Variants in CNTN4 observed in about 807,000 individuals in gnomAD.
The protein encoded by CNTN4 is contactin 4.
Under a neutral mutation model 122.5 loss-of-function variants are expected in CNTN4, and 77 were observed. The ratio of observed to expected loss-of-function variants is 0.63; its 90% CI spans 0.52 to 0.76. The LOEUF is 0.76. CNTN4 is among the 30% of genes least tolerant of loss of function. The probability of loss-of-function intolerance (pLI) is 0.00; values close to 1 mark genes in which losing one functional copy is unlikely to be tolerated. For missense variants in CNTN4, 1,256 were observed against 1,259.1 expected (o/e 1.00, Z 0.04); for synonymous variants, 512 against 447.0 (o/e 1.15, Z -1.83).
At chr3:2,327,161 G>GTT (rs1368674002) in intron 2 of CNTN4, among the ~76,000 whole-genome samples, 3 of 148,860 alleles carry the variant, frequency 2.0e-5, no homozygotes, top group African/African-American at 7.6e-5. Context: ...GTTTGTGTGT[G>GTT]TGTGTGTCTA....
chr3:2,738,867 AG>A (rs768143019), intron 5 of CNTN4, among the ~76,000 whole-genome samples: 70 of 152,240 alleles, frequency 4.6e-4, no homozygotes, highest in African/African-American at 1.1e-3. Context: ...TAAATATGAC[AG>A]AAAAAATACA....
At chr3:2,695,964 A>G (rs2086010084) in intron 4 of CNTN4, among the ~76,000 whole-genome samples, 2 of 152,320 alleles carry the variant, frequency 1.3e-5, no homozygotes, top group African/African-American at 2.4e-5. Context: ...TATGTGAAGT[A>G]TTAGCTCGAG....
At position 2,605,768 on chromosome 3, in the gene CNTN4, C is replaced by T. The variant is rs375182086; in HGVS notation, c.55+34210C>T. 1.0e-3 allele frequency among the ~76,000 whole-genome samples: 157 copies of T among 152,230 alleles called. 2 individuals are homozygous for T. Among genetic ancestry groups the T allele is most frequent in the South Asian group, 4.6e-3 (22 of 4,810 alleles). ...CATTCATTTATACCACAAAACCAAC[C>T]GATGTCCTGTCAGGTGCTAGTGCTG... is the stretch of plus-strand genomic sequence containing the variant. On this transcript the variant is annotated intron_variant, in intron 4 of 24. Transcript: ENST00000418658.
At chr3:2,254,587 C>G (rs777706671) in intron 2 of CNTN4, among the ~76,000 whole-genome samples, 3 of 152,176 alleles carry the variant, frequency 2.0e-5, no homozygotes, top group Non-Finnish European at 4.4e-5. Context: ...TCCAATCTAA[C>G]TGGCGTGAGA....
At chr3:2,102,741 C>T (rs1187316570) in intron 2 of CNTN4, among the ~76,000 whole-genome samples, 2 of 152,092 alleles carry the variant, frequency 1.3e-5, no homozygotes, top group African/African-American at 4.8e-5. Context: ...GGCCAGAACC[C>T]AGTTCTTTGT....
At chr3:2,692,502 T>G (rs1576471914) in intron 4 of CNTN4, among the ~76,000 whole-genome samples, 1 of 152,194 alleles carries the variant, frequency 6.6e-6, no homozygotes, top group East Asian at 1.9e-4. Flanking sequence ...TTTTTCCTTT[T>G]GCATCTTTTT....
intron 6 of CNTN4, among the ~76,000 whole-genome samples, chr3:2,762,851 T>C (rs539467674): frequency 6.6e-6 from 1 of 152,150 alleles, no homozygotes; most frequent in Admixed American, 6.5e-5. Flanking sequence ...ATTTTTTTAC[T>C]TTTTAATATG....
intron 2 of CNTN4, among the ~76,000 whole-genome samples, chr3:2,253,953 A>G (rs1256751893): frequency 3.3e-5 from 5 of 152,094 alleles, no homozygotes; most frequent in Admixed American, 2.6e-4. Flanking sequence ...GGTTTGTTAC[A>G]TAGGTATACA....
At chr3:2,928,791 C>T (rs2094495269) in intron 13 of CNTN4, among the ~76,000 whole-genome samples, 1 of 152,150 alleles carries the variant, frequency 6.6e-6, no homozygotes, top group Admixed American at 6.5e-5. Flanking sequence ...AATTAATCAA[C>T]TGCCTACAAA....
intron 4 of CNTN4, among the ~76,000 whole-genome samples, chr3:2,606,321 C>G (rs916344804): frequency 2.0e-5 from 3 of 152,032 alleles, no homozygotes; most frequent in African/African-American, 4.8e-5. Flanking sequence ...ACAACATACA[C>G]TGGGGCCTGT....
chr3:2,451,060 A>G (rs2048811667), intron 3 of CNTN4, among the ~76,000 whole-genome samples: 3 of 152,198 alleles, frequency 2.0e-5, no homozygotes, highest in African/African-American at 7.2e-5. Flanking sequence ...TTACTTTTCT[A>G]TGACCTAAAA....
chr3:2,717,381 G>A (rs545016249), intron 4 of CNTN4, among the ~76,000 whole-genome samples: 2 of 152,224 alleles, frequency 1.3e-5, no homozygotes, highest in East Asian at 3.9e-4. Flanking sequence ...TGAAAACCCC[G>A]GGTACTAGTC....
At chr3:2,691,857 C>T (rs1405237889) in intron 4 of CNTN4, among the ~76,000 whole-genome samples, 1 of 152,150 alleles carries the variant, frequency 6.6e-6, no homozygotes, top group Non-Finnish European at 1.5e-5. Context: ...TGAGCTACAA[C>T]CCATGCTTTT....
intron 12 of CNTN4, among the ~76,000 whole-genome samples, chr3:2,917,368 G>GGAGAT (rs1435069171): frequency 8.0e-6 from 1 of 124,398 alleles, no homozygotes; most frequent in Non-Finnish European, 1.8e-5. Flanking sequence ...GAGACGGAGA[G>GGAGAT]GTGTACTTTT....
intron 13 of CNTN4, among the ~76,000 whole-genome samples, chr3:2,954,950 G>T (rs909869515): frequency 6.6e-6 from 1 of 151,874 alleles, no homozygotes; most frequent in Non-Finnish European, 1.5e-5. Flanking sequence ...CATTCCCTAC[G>T]CCCTGCCCCC....
rs530424952 is a variant in CNTN4, at chr3:2,868,031, G to A, written c.652+1082G>A. Among the ~76,000 whole-genome samples the A allele has an allele frequency of 3.3e-5, 5 of 152,180 alleles. No individual in the cohort carries two copies. In the South Asian group the frequency reaches 8.3e-4, roughly 25 times the overall value. On this transcript the variant is annotated intron_variant, in intron 8 of 24. Coordinates refer to ENST00000418658, the MANE Select transcript of CNTN4 (RefSeq NM_175607.3). Reference sequence around the variant, plus strand: ...TAAGCAGTCGTTGTAGACATGTTCAGGTTTCTATTCTTTTTAAATCCTTTT... The same window carrying A: ...TAAGCAGTCGTTGTAGACATGTTCAAGTTTCTATTCTTTTTAAATCCTTTT...
At chr3:3,005,938 T>G (rs1280888390) in intron 14 of CNTN4, among the ~76,000 whole-genome samples, 1 of 148,686 alleles carries the variant, frequency 6.7e-6, no homozygotes, top group Non-Finnish European at 1.5e-5. Context: ...CAGGCTGGAG[T>G]GCAGTGGCAC....
At chr3:2,273,768 C>T (rs574433834) in intron 2 of CNTN4, among the ~76,000 whole-genome samples, 8 of 152,256 alleles carry the variant, frequency 5.3e-5, no homozygotes, top group African/African-American at 1.7e-4. Context: ...TAGCATAACA[C>T]ACCTGGTATT....
At chr3:3,009,908 TC>T (rs1697054300) in intron 14 of CNTN4, among the ~76,000 whole-genome samples, 1 of 152,156 alleles carries the variant, frequency 6.6e-6, no homozygotes, top group South Asian at 2.1e-4. Flanking sequence ...CTTGTGGAAC[TC>T]CCCATACCCA....
Sources: gnomAD v4.1 joint callset for allele counts (sites outside exome capture counted in the v4.1 genomes callset) on GRCh38, gnomAD v4.1.1 for gene constraint, MANE v1.5 for transcripts, NCBI Gene and HGNC (gene_info 2026-07-23, HGNC 2026-07-21) for gene names.